The following NDE1 variants were observed in gnomAD, a reference collection of about 807,000 sequenced individuals.
The protein encoded by NDE1 is nuclear distribution protein nudE homolog 1.
NDE1 carries 28 observed loss-of-function variants against 43.4 expected under a neutral mutation model. That is an observed-to-expected ratio of 0.65 (90% confidence interval 0.48 to 0.89). The LOEUF (loss-of-function observed/expected upper bound fraction) is 0.89. Ranked by LOEUF, NDE1 falls within the 40% of genes least tolerant of loss-of-function variation. The pLI is 0.00. For synonymous variants in NDE1, 184 were observed against 172.0 expected (o/e 1.07, Z -0.55); for missense variants, 441 against 434.1 (o/e 1.02, Z -0.14).
intron 8 of NDE1, 95 bp from the exon 9 acceptor site, chr16:15,724,096 T>C: frequency 6.2e-7 from 1 of 1,607,630 alleles, no homozygotes; most frequent in Admixed American, 1.7e-5. Flanking sequence ...CGCGTCATAC[T>C]CTGCAGAGCT....
chr16:15,676,763 G>T (rs761003593), intron 3 of NDE1, among the ~76,000 whole-genome samples: 1 of 151,922 alleles, frequency 6.6e-6, no homozygotes, highest in South Asian at 2.1e-4. Context: ...TCTCAGGCTC[G>T]AATGGTCCTC....
At chr16:15,686,278 C>T (rs2038434641) in intron 4 of NDE1, 2 of 785,858 alleles carry the variant, frequency 2.5e-6, no homozygotes, top group East Asian at 1.3e-4. Context: ...CACCCCTTCC[C>T]CACCACAATC....
chr16:15,718,415 C>T lies in NDE1; in HGVS notation c.948-5776C>T, dbSNP rs1310012347. On this transcript the variant is annotated intron_variant, in intron 8 of 8. Coordinates refer to ENST00000396354, the MANE Select transcript of NDE1 (RefSeq NM_017668.3). ...CTGGGCGATCCGGGCCTCCAGGCGG[C>T]GCTTCTCGTCCTGGAGTGCGTTCCT... The T allele has an allele frequency of 9.5e-6, 15 of 1,582,612 alleles. No individual in the cohort carries two copies. Among genetic ancestry groups the T allele is most frequent in the Middle Eastern group, 1.8e-4 (1 of 5,462 alleles).
At position 15,665,956 on chromosome 16, in the gene NDE1, A is replaced by G. The variant is rs529917247; in HGVS notation, c.83+1095A>G. On this transcript the variant is annotated intron_variant, in intron 2 of 8. Coordinates refer to ENST00000396354, the MANE Select transcript of NDE1 (RefSeq NM_017668.3). ...TTTTTAGTAGAGACGGGGTTTCTCC[A>G]TGTTGGTCAGGCAGCTCTCGAACTC... Among the ~76,000 whole-genome samples, 871 of 152,024 alleles carry G rather than the reference A, an allele frequency of 5.7e-3. 5 individuals are homozygous for G. Among genetic ancestry groups the G allele is most frequent in the Middle Eastern group, 0.017 (5 of 294 alleles).
rs150225869 is a variant in NDE1 at position 15,672,374 on chromosome 16, G to C, written c.237+4935G>C. 6.6e-4 allele frequency among the ~76,000 whole-genome samples: 100 copies of C among 152,258 alleles called. 1 individual carries two copies. Among genetic ancestry groups the C allele is most frequent in the Non-Finnish European group, 1.3e-3 (86 of 68,024 alleles). On this transcript the variant is annotated intron_variant, in intron 3 of 8. Transcript: ENST00000396354. ...TTGAACCTAGGAGGTGGAGGTTGCA[G>C]TGAGCTGAGATTGCGCCACTGTACT... is the stretch of plus-strand genomic sequence containing the variant.
intron 1 of NDE1, among the ~76,000 whole-genome samples, chr16:15,657,341 C>A (rs2036821601): frequency 6.6e-6 from 1 of 151,584 alleles, no homozygotes; most frequent in Admixed American, 6.6e-5. Context: ...TCAGGTGAAC[C>A]ACCCGCCTTG....
intron 3 of NDE1, among the ~76,000 whole-genome samples, chr16:15,668,447 T>C (rs2151448731): frequency 6.6e-6 from 1 of 152,310 alleles, no homozygotes; most frequent in African/African-American, 2.4e-5. Flanking sequence ...GTATTTTTTA[T>C]AGAGACAGGG....
chr16:15,665,843 A>C (rs1299934394), intron 2 of NDE1, among the ~76,000 whole-genome samples: 3 of 146,926 alleles, frequency 2.0e-5, no homozygotes, highest in South Asian at 2.2e-4. Flanking sequence ...CACAAGCTCC[A>C]CCTCCTGGGT....
At chr16:15,705,984 C>CAAAAAATAAA (rs2039428142) in intron 8 of NDE1, among the ~76,000 whole-genome samples, 1 of 56,768 alleles carries the variant, frequency 1.8e-5, no homozygotes, top group Non-Finnish European at 2.8e-5. Context: ...GACTCCGTCT[C>CAAAAAATAAA]AAAAAAAAAA....
chr16:15,720,440 G>T, intron 8 of NDE1: 1 of 1,294,988 alleles, frequency 7.7e-7, no homozygotes, highest in Non-Finnish European at 1.1e-6. Flanking sequence ...CTCATCCCCA[G>T]TTGCAGATGA....
At chr16:15,673,067 A>C (rs1305731440) in intron 3 of NDE1, among the ~76,000 whole-genome samples, 1 of 152,210 alleles carries the variant, frequency 6.6e-6, no homozygotes, top group African/African-American at 2.4e-5. Flanking sequence ...CCCTGGGTGC[A>C]TCCGGACTTT....
intron 1 of NDE1, among the ~76,000 whole-genome samples, chr16:15,661,017 T>A (rs2037017506): frequency 6.6e-6 from 1 of 152,162 alleles, no homozygotes; most frequent in Non-Finnish European, 1.5e-5. Flanking sequence ...TTCAAATGGA[T>A]ATTGTTGACC....
chr16:15,666,007 C>T (rs191836208), intron 2 of NDE1, among the ~76,000 whole-genome samples: 6 of 152,230 alleles, frequency 3.9e-5, no homozygotes, highest in Admixed American at 2.0e-4. Context: ...CCACTTGCCT[C>T]GGCTTCCCTA....
rs115034714 is a variant in NDE1, at chr16:15,668,607, A to T, written c.237+1168A>T. ...ATGGAGGTGTTGCTAGAGTAATATC[A>T]TCAGGTCCAATATTGTAGCCCTTAG... On this transcript the variant is annotated intron_variant, in intron 3 of 8. Transcript: ENST00000396354. Among the ~76,000 whole-genome samples, 700 of 152,336 alleles carry T rather than the reference A, an allele frequency of 4.6e-3. 4 individuals carry two copies. Among genetic ancestry groups the T allele is most frequent in the African/African-American group, 0.016 (659 of 41,580 alleles).
chr16:15,705,219 C>T (rs1170614148), intron 8 of NDE1, among the ~76,000 whole-genome samples: 1 of 152,176 alleles, frequency 6.6e-6, no homozygotes, highest in Non-Finnish European at 1.5e-5. Context: ...TGGCCTCAAA[C>T]GATCCACCTG....
intron 8 of NDE1, among the ~76,000 whole-genome samples, chr16:15,697,446 C>A (rs553241166): frequency 6.6e-6 from 1 of 152,064 alleles, no homozygotes; most frequent in Non-Finnish European, 1.5e-5. Flanking sequence ...TGGTGACGCT[C>A]GCCTGTAATC....
chr16:15,671,437 G>C (rs2037587749), intron 3 of NDE1, among the ~76,000 whole-genome samples: 1 of 152,182 alleles, frequency 6.6e-6, no homozygotes, highest in African/African-American at 2.4e-5. Context: ...TTGAGCCCAG[G>C]AGGTTGAGGC....
In NDE1 at chr16:15,723,851, T is replaced by C. The variant is rs7195874; in HGVS notation, c.948-340T>C. The stretch of plus-strand genomic sequence containing the variant: ...TCAATAGGTATTCAGTAAATACATT[T>C]AGTGAATAAATAAGCACCTCATTCC... On this transcript the variant is annotated intron_variant, in intron 8 of 8. Transcript: ENST00000396354. 0.097 allele frequency among the ~76,000 whole-genome samples: 14,834 copies of C among 152,224 alleles called. 1,897 individuals are homozygous for C. The highest frequency in any genetic ancestry group is 0.29 in the African/African-American group (12,229 of 41,496).
At chr16:15,700,242 AC>A in intron 8 of NDE1, 1 of 319,010 alleles carries the variant, frequency 3.1e-6, no homozygotes, top group Non-Finnish European at 4.6e-6. Flanking sequence ...GATTACAGGC[AC>A]CCACCACCAC....
Sources: gnomAD v4.1 joint callset for allele counts (sites outside exome capture counted in the v4.1 genomes callset) on GRCh38, gnomAD v4.1.1 for gene constraint, MANE v1.5 for transcripts, NCBI Gene and HGNC (gene_info 2026-07-23, HGNC 2026-07-21) for gene names.